The following UBE3A variants were observed in gnomAD, a reference collection of about 807,000 sequenced individuals.
The protein encoded by UBE3A is ubiquitin-protein ligase E3A.
A neutral mutation model predicts 83.4 loss-of-function variants in UBE3A; 6 were observed. The ratio of observed to expected loss-of-function variants is 0.07; its 90% CI spans 0.04 to 0.14. The LOEUF (loss-of-function observed/expected upper bound fraction) is 0.14. Among genes scored for constraint, UBE3A ranks in the 10% least tolerant of loss-of-function variants. UBE3A has a pLI of 1.00. For synonymous variants in UBE3A, 337 were observed against 355.4 expected, an observed-to-expected ratio of 0.95 and a Z score of 0.58; for missense variants, 456 against 1,036.1, an observed-to-expected ratio of 0.44 and a Z score of 7.69.
chr15:25,422,308 T>TA, intron 1 of UBE3A, among the ~76,000 whole-genome samples: 1 of 152,274 alleles, frequency 6.6e-6, no homozygotes, highest in East Asian at 1.9e-4. Context: ...TTTTTGGAGG[T>TA]AATTCAATTG....
chr15:25,384,204 A>G (rs1322700813), intron 4 of UBE3A, among the ~76,000 whole-genome samples: 1 of 152,222 alleles, frequency 6.6e-6, no homozygotes, highest in East Asian at 1.9e-4. Context: ...TCACGCCTGT[A>G]ACCCCAGCAG....
intron 1 of UBE3A, among the ~76,000 whole-genome samples, chr15:25,435,447 C>T (rs141656539): frequency 6.6e-6 from 1 of 152,076 alleles, no homozygotes; most frequent in Non-Finnish European, 1.5e-5. Context: ...GAATGTGTCC[C>T]CCAAAATTCA....
At chr15:25,430,812 G>C (rs758705945) in intron 1 of UBE3A, among the ~76,000 whole-genome samples, 1 of 152,060 alleles carries the variant, frequency 6.6e-6, no homozygotes, top group Non-Finnish European at 1.5e-5. Flanking sequence ...TGAGATACGT[G>C]ACCAACCCAT....
At chr15:25,403,517 C>T (rs6576422) in intron 4 of UBE3A, among the ~76,000 whole-genome samples, 145,501 of 152,244 alleles carry the variant, frequency 0.96, 69,874 homozygotes, top group East Asian at 1. Flanking sequence ...GTGGTAGAAA[C>T]GCAAATAGGT....
rs2073914418 is a variant in UBE3A, at chr15:25,335,367, A to T, written c.*3770T>A. 1 of 152,346 alleles carries T rather than the reference A, an allele frequency of 6.6e-6. No individual in the cohort carries two copies. Among genetic ancestry groups the T allele is most frequent in the Non-Finnish European group, 1.5e-5 (1 of 68,124 alleles). 9.4% of individuals were successfully genotyped at this position (152,346 alleles called of 1,614,324 possible). A position where few individuals can be genotyped will look rare whatever the true frequency, so the allele number is the denominator to read the frequency against. Reference sequence around the variant, plus strand: ...AATTGGAAAGGTCAGTGAGGGGGCAATCTGTGGAGGCACTGAATGCAGAGG... The same window carrying T: ...AATTGGAAAGGTCAGTGAGGGGGCATTCTGTGGAGGCACTGAATGCAGAGG... On this transcript the variant is annotated 3_prime_UTR_variant, in exon 13 of 13. Coordinates refer to ENST00000648336, the MANE Select transcript of UBE3A (RefSeq NM_130839.5).
At chr15:25,395,511 CAT>C (rs1164070298) in intron 4 of UBE3A, among the ~76,000 whole-genome samples, 1 of 152,002 alleles carries the variant, frequency 6.6e-6, no homozygotes, top group African/African-American at 2.4e-5. Context: ...GAGTATGTGA[CAT>C]AGAGAAATTA....
At chr15:25,417,169 T>C (rs1166145955) in intron 1 of UBE3A, among the ~76,000 whole-genome samples, 1 of 152,002 alleles carries the variant, frequency 6.6e-6, no homozygotes, top group Non-Finnish European at 1.5e-5. Flanking sequence ...CTCCTAAAAT[T>C]CTCTCTAACC....
intron 7 of UBE3A, among the ~76,000 whole-genome samples, chr15:25,359,785 A>G (rs2077772827): frequency 6.6e-6 from 1 of 152,148 alleles, no homozygotes; most frequent in South Asian, 2.1e-4. Flanking sequence ...CTGATCCTTC[A>G]CTTTCAAATT....
chr15:25,430,027 C>CTATATATATATATATATATATATATA (rs199950859), intron 1 of UBE3A, among the ~76,000 whole-genome samples: 1 of 66,222 alleles, frequency 1.5e-5, no homozygotes, highest in African/African-American at 1.2e-4. Flanking sequence ...AAAAAAAAAC[C>CTATATATATATATATATATATATATA]TATATATATA....
intron 7 of UBE3A, 100 bp downstream of exon 7, chr15:25,360,283 T>C (rs2077853933): frequency 1.3e-5 from 20 of 1,525,966 alleles, no homozygotes; most frequent in Non-Finnish European, 1.4e-5. Context: ...AATCCTTCTT[T>C]TGCTGCTCTT....
intron 4 of UBE3A, among the ~76,000 whole-genome samples, chr15:25,396,980 T>C (rs2085730102): frequency 6.6e-6 from 1 of 152,204 alleles, no homozygotes; most frequent in South Asian, 2.1e-4. Flanking sequence ...TTGCCATTAA[T>C]GGACAGTTAG....
rs1020480691 is a variant in UBE3A, at chr15:25,370,478, A to G, written c.1608+88T>C. 9 of 1,498,352 alleles carry G rather than the reference A, an allele frequency of 6.0e-6. No homozygotes were observed. Among genetic ancestry groups the G allele is most frequent in the Admixed American group, 1.7e-5 (1 of 59,810 alleles). 92.8% of individuals were successfully genotyped at this position (1,498,352 alleles called of 1,614,324 possible). ...ATGTGTTCCTATGCTATATGGTATCATTTTTTTCAGTCACTTTTAAAATGA... is the reference window on the plus strand; with the variant it reads ...ATGTGTTCCTATGCTATATGGTATCGTTTTTTTCAGTCACTTTTAAAATGA... On this transcript the variant is annotated intron_variant, in intron 6 of 12. Coordinates refer to ENST00000648336, the MANE Select transcript of UBE3A (RefSeq NM_130839.5). The surrounding 1 kb of genome is among the most constrained non-coding windows in gnomAD (Gnocchi z 4.2).
At chr15:25,399,337 G>A (rs1357865466) in intron 4 of UBE3A, among the ~76,000 whole-genome samples, 1 of 151,922 alleles carries the variant, frequency 6.6e-6, no homozygotes, top group African/African-American at 2.4e-5. Context: ...ACAGTTTCAG[G>A]TCTTATATTT....
chr15:25,338,434 G>GTTT lies in UBE3A; in HGVS notation c.*700_*702dup, dbSNP rs1207912327. Reference sequence around the variant, plus strand: ...AAGACGACATACTGTGGCATGAGTTGTTTTTGTTTTTAATTTGTTGTGCTG... The same window carrying GTTT: ...AAGACGACATACTGTGGCATGAGTTGTTTTTTTTGTTTTTAATTTGTTGTGCTG... On this transcript the variant is annotated 3_prime_UTR_variant, in exon 13 of 13. Coordinates refer to ENST00000648336, the MANE Select transcript of UBE3A (RefSeq NM_130839.5). 1 of 152,028 alleles carries GTTT rather than the reference G, an allele frequency of 6.6e-6. No homozygotes were observed. The highest frequency in any genetic ancestry group is 2.4e-5 in the African/African-American group (1 of 41,400). The allele number at this position is 152,028 out of a possible 1,614,324, so 9.4% of individuals were successfully genotyped here.
In UBE3A at chr15:25,335,237, T is replaced by G. The variant is rs370275347; in HGVS notation, c.*3900A>C. ...ACTTTGGGGGTTGATGAAGTCTTCA[T>G]GGATGAGGTACTTTAAATATCTGGT... On this transcript the variant is annotated 3_prime_UTR_variant, in exon 13 of 13. Transcript: ENST00000648336. 1 of 152,226 alleles carries G rather than the reference T, an allele frequency of 6.6e-6. No individual in the cohort carries two copies. The highest frequency in any genetic ancestry group is 2.4e-5 in the African/African-American group (1 of 41,446). 9.4% of individuals were successfully genotyped at this position (152,226 alleles called of 1,614,324 possible).
intron 4 of UBE3A, among the ~76,000 whole-genome samples, chr15:25,402,585 G>A (rs1044608224): frequency 5.3e-5 from 8 of 152,234 alleles, no homozygotes; most frequent in African/African-American, 1.9e-4. Context: ...TGTGGGTATT[G>A]GCCTGAAGTT....
At chr15:25,400,592 T>C (rs2086838983) in intron 4 of UBE3A, among the ~76,000 whole-genome samples, 1 of 152,252 alleles carries the variant, frequency 6.6e-6, no homozygotes, top group Non-Finnish European at 1.5e-5. Flanking sequence ...AATTGTCTTC[T>C]TGATTTTTCT....
intron 12 of UBE3A, chr15:25,339,477 T>G (rs2152509327): frequency 2.2e-6 from 1 of 463,542 alleles, no homozygotes; most frequent in East Asian, 4.2e-5. Flanking sequence ...CTGTATCCAT[T>G]GAGTTTTTAC....
At chr15:25,434,942 G>A (rs1894558776) in intron 1 of UBE3A, among the ~76,000 whole-genome samples, 2 of 150,426 alleles carry the variant, frequency 1.3e-5, no homozygotes, top group South Asian at 4.2e-4. Context: ...ACAACTGCCG[G>A]AGTAAAAATT....
Sources: allele counts gnomAD v4.1 joint callset (sites outside exome capture counted in the v4.1 genomes callset), GRCh38; gene constraint gnomAD v4.1.1; non-coding constraint Gnocchi (gnomAD v3.1); transcripts MANE v1.5; gene names NCBI Gene and HGNC (gene_info 2026-07-23, HGNC 2026-07-21).